Variants in GMCL1 observed in about 807,000 individuals in gnomAD.
The protein encoded by GMCL1 is germ cell-less protein-like 1.
GMCL1 carries 54 observed loss-of-function variants against 75.5 expected under a neutral mutation model. That is an observed-to-expected ratio of 0.71 (90% CI 0.57 to 0.90). GMCL1 has a LOEUF of 0.90. Ranked by LOEUF, GMCL1 falls within the 40% of genes least tolerant of loss-of-function variation. The pLI is 0.00. For synonymous variants in GMCL1, 210 were observed against 209.6 expected, an observed-to-expected ratio of 1.00 and a Z score of -0.02; for missense variants, 537 against 622.7, an observed-to-expected ratio of 0.86 and a Z score of 1.47.
chr2:69,878,776 G>A, intron 13 of GMCL1, 133 bp from the exon 14 acceptor site: 2 of 714,716 alleles, frequency 2.8e-6, no homozygotes, highest in East Asian at 5.0e-5. Context: ...CAGCTAATGG[G>A]TGGGAGTTTG....
Position 69,847,585 on chromosome 2 carries a change from T to G in GMCL1, c.801T>G (p.Phe267Leu). 1 of 1,611,410 alleles carries G rather than the reference T, an allele frequency of 6.2e-7. No individual in the cohort carries two copies. The highest frequency in any genetic ancestry group is 8.5e-7 in the Non-Finnish European group (1 of 1,177,864). The stretch of plus-strand genomic sequence containing the variant: ...AGCTCATTGGTTCATCTAACTTATT[T>G]GTGATGCAAGTGGAGATGGATATAT... Reference protein sequence around the residue: ...MKQLIGSSNLFVMQVEMDIYT... With the variant: ...MKQLIGSSNLLVMQVEMDIYT... The change falls in exon 7 of 14, where the codon TTT becomes TTG. Residue 267 changes from phenylalanine (F) to leucine (L), a missense_variant. Physicochemically the swap from Phe to Leu is conservative, Grantham distance 22 (BLOSUM62 0). Transcript: ENST00000282570.
At chr2:69,877,741 T>G (rs1676165477) in intron 13 of GMCL1, among the ~76,000 whole-genome samples, 1 of 150,420 alleles carries the variant, frequency 6.6e-6, no homozygotes, top group African/African-American at 2.5e-5. Flanking sequence ...TGTGAGACAT[T>G]TGTACTCTCT....
At chr2:69,847,428 G>C in intron 6 of GMCL1, 115 bp from the exon 7 acceptor site, 1 of 745,874 alleles carries the variant, frequency 1.3e-6, no homozygotes. Context: ...AAGGACTGCT[G>C]TCATTTTTAA....
At chr2:69,860,310 G>A (rs908383160) in intron 9 of GMCL1, among the ~76,000 whole-genome samples, 2 of 151,908 alleles carry the variant, frequency 1.3e-5, no homozygotes, top group African/African-American at 2.4e-5. Context: ...TTTTTAATCT[G>A]TTTTTATCTA....
At chr2:69,860,267 C>T (rs960579425) in intron 9 of GMCL1, among the ~76,000 whole-genome samples, 1 of 152,220 alleles carries the variant, frequency 6.6e-6, no homozygotes, top group East Asian at 1.9e-4. Flanking sequence ...CTTGGGATTA[C>T]AAGCATGAGC....
intron 7 of GMCL1, among the ~76,000 whole-genome samples, chr2:69,849,110 T>G (rs1053693947): frequency 6.6e-6 from 1 of 152,226 alleles, no homozygotes; most frequent in Non-Finnish European, 1.5e-5. Flanking sequence ...CCATAAATAC[T>G]TCTGAAGGAT....
At chr2:69,833,908 CTAAG>C (rs1333189060) in intron 1 of GMCL1, among the ~76,000 whole-genome samples, 2 of 152,176 alleles carry the variant, frequency 1.3e-5, no homozygotes, top group African/African-American at 4.8e-5. Context: ...ATAGTTATAA[CTAAG>C]TAAATATTGT....
chr2:69,837,309 C>T (rs1002254873), intron 1 of GMCL1, among the ~76,000 whole-genome samples: 9 of 152,182 alleles, frequency 5.9e-5, no homozygotes, highest in African/African-American at 2.2e-4. Context: ...GCCCCCCTTT[C>T]TCCACTATCT....
At chr2:69,874,953 T>G (rs539500675) in intron 13 of GMCL1, among the ~76,000 whole-genome samples, 25 of 151,804 alleles carry the variant, frequency 1.6e-4, no homozygotes, top group Non-Finnish European at 3.1e-4. Flanking sequence ...CCACGTTGCC[T>G]GGGCTTGTCT....
At chr2:69,864,612 T>C (rs1675755107) in intron 10 of GMCL1, among the ~76,000 whole-genome samples, 1 of 110,992 alleles carries the variant, frequency 9.0e-6, no homozygotes, top group Non-Finnish European at 1.8e-5. Context: ...TTTTTTTTTT[T>C]GGCAAATAGA....
intron 12 of GMCL1, among the ~76,000 whole-genome samples, chr2:69,871,488 TA>T (rs1467916333): frequency 2.0e-5 from 3 of 152,180 alleles, no homozygotes; most frequent in Admixed American, 6.5e-5. Flanking sequence ...CTATATACTT[TA>T]AAATGGTTAA....
Position 69,869,760 on chromosome 2 carries a change from A to C in GMCL1, c.1260A>C (p.Leu420=). ...CAGGTTTTAACTTCGGCTTCGACCT[A>C]CTTGTAACTTACACCAATCGATACA... ...RWTGFNFGFD[L]LVTYTNRYII... The change falls in exon 12 of 14, where the codon CTA becomes CTC. Residue 420 remains leucine (L), a synonymous_variant. Transcript: ENST00000282570. The C allele has an allele frequency of 1.2e-6, 2 of 1,614,080 alleles. No homozygotes were observed. Among genetic ancestry groups the C allele is most frequent in the Non-Finnish European group, 1.7e-6 (2 of 1,180,002 alleles).
At chr2:69,859,673 G>A (rs1470328981) in intron 9 of GMCL1, among the ~76,000 whole-genome samples, 1 of 145,310 alleles carries the variant, frequency 6.9e-6, no homozygotes, top group Non-Finnish European at 1.5e-5. Context: ...GTTCAAGGCT[G>A]CAGTTTACCA....
Position 69,843,281 on chromosome 2 carries a change from T to TAC in GMCL1, c.692+20_692+21insAC. The TAC allele has an allele frequency of 7.7e-7, 1 of 1,301,142 alleles. No homozygotes were observed. Among genetic ancestry groups the TAC allele is most frequent in the Non-Finnish European group, 1.1e-6 (1 of 895,640 alleles). 80.6% of individuals were successfully genotyped at this position (1,301,142 alleles called of 1,614,324 possible). ...GAAAAAGTGAGTTGCCTTTCTTGTT[T>TAC]TTCTTCCTATCCCACTTTTAGGAAT... On this transcript the variant is annotated intron_variant, in intron 5 of 13. Coordinates refer to ENST00000282570, the MANE Select transcript of GMCL1 (RefSeq NM_178439.5).
intron 10 of GMCL1, 56 bp from the exon 11 acceptor site, chr2:69,864,844 T>A: frequency 1.7e-6 from 2 of 1,166,226 alleles, no homozygotes; most frequent in Non-Finnish European, 2.5e-6. Context: ...ATAGTTCTTT[T>A]TTAATTATTA....
At position 69,879,740 on chromosome 2, in the gene GMCL1, G is replaced by A. The variant is rs185470356; in HGVS notation, c.*736G>A. 6.6e-6 allele frequency: 1 copy of A among 152,208 alleles called. No individual in the cohort carries two copies. The highest frequency in any genetic ancestry group is 6.5e-5 in the Admixed American group (1 of 15,288). 9.4% of individuals were successfully genotyped at this position (152,208 alleles called of 1,614,324 possible). A position where few individuals can be genotyped will look rare whatever the true frequency, so the allele number is the denominator to read the frequency against. ...TCTTGAATGAGGGAAAAATCAGTTT[G>A]ATTCCAAGGATATTTCTTGCCTTAC... On this transcript the variant is annotated 3_prime_UTR_variant, in exon 14 of 14. Coordinates refer to ENST00000282570, the MANE Select transcript of GMCL1 (RefSeq NM_178439.5).
intron 1 of GMCL1, among the ~76,000 whole-genome samples, chr2:69,837,003 G>A (rs1674836016): frequency 6.6e-6 from 1 of 152,170 alleles, no homozygotes; most frequent in African/African-American, 2.4e-5. Context: ...ATCTAAGGTT[G>A]CAAACCGTTT....
At chr2:69,839,399 A>G (rs1474896889) in intron 2 of GMCL1, 58 bp from the exon 3 acceptor site, 3 of 1,043,148 alleles carry the variant, frequency 2.9e-6, no homozygotes, top group Non-Finnish European at 4.4e-6. Flanking sequence ...GAAATGGGCA[A>G]ATAATTTGGA....
chr2:69,879,303 T>C lies in GMCL1; in HGVS notation c.*299T>C, dbSNP rs1045561851. ...TTTTAATTTAGCATCAATAGAAAAT[T>C]GCTGTAGGTAAATCTCACATTTATC... On this transcript the variant is annotated 3_prime_UTR_variant, in exon 14 of 14. Transcript: ENST00000282570. The C allele has an allele frequency of 5.4e-6, 1 of 186,790 alleles. No homozygotes were observed. The highest frequency in any genetic ancestry group is 1.1e-5 in the Non-Finnish European group (1 of 90,872). The allele number at this position is 186,790 out of a possible 1,614,324, so 11.6% of individuals were successfully genotyped here. A position where few individuals can be genotyped will look rare whatever the true frequency, so the allele number is the denominator to read the frequency against.
Sources: gnomAD v4.1 joint callset for allele counts (sites outside exome capture counted in the v4.1 genomes callset) on GRCh38, gnomAD v4.1.1 for gene constraint, MANE v1.5 for transcripts, NCBI Gene and HGNC (gene_info 2026-07-23, HGNC 2026-07-21) for gene names.